IL20RA: variants seen among roughly 807,000 people sequenced by gnomAD.
IL20RA encodes the protein interleukin-20 receptor subunit alpha.
Under a neutral mutation model 36.5 loss-of-function variants are expected in IL20RA, and 29 were observed. The ratio of observed to expected loss-of-function variants is 0.79; its 90% confidence interval spans 0.59 to 1.08. The LOEUF (loss-of-function observed/expected upper bound fraction) is 1.08, where lower values mean the gene tolerates loss of function less well. Ranked by LOEUF, IL20RA falls within the 50% of genes least tolerant of loss-of-function variation. The probability of loss-of-function intolerance (pLI) is 0.00; values close to 1 mark genes in which losing one functional copy is unlikely to be tolerated. For missense variants in IL20RA, 652 were observed against 668.4 expected (o/e 0.98, Z 0.27); for synonymous variants, 279 against 267.1 (o/e 1.04, Z -0.43).
In IL20RA at chr6:137,006,065, G is replaced by A. The variant is rs75332053; in HGVS notation, c.725-1305C>T. 3.1e-3 allele frequency among the ~76,000 whole-genome samples: 467 copies of A among 152,302 alleles called. 1 individual carries two copies. The highest frequency in any genetic ancestry group is 0.011 in the African/African-American group (441 of 41,562). ...GCTTCAGCACAAATGACAAAAGTCCGAGTGTGCTCCTTACACACTAACAAA... is the reference window on the plus strand; with the variant it reads ...GCTTCAGCACAAATGACAAAAGTCCAAGTGTGCTCCTTACACACTAACAAA... On this transcript the variant is annotated intron_variant, in intron 5 of 6. Transcript: ENST00000316649.
intron 1 of IL20RA, among the ~76,000 whole-genome samples, chr6:137,040,410 T>C (rs376698414): frequency 4.1e-4 from 61 of 150,278 alleles, no homozygotes; most frequent in African/African-American, 1.4e-3. Flanking sequence ...ACACCCAGAT[T>C]TTGGTTTCTA....
intron 5 of IL20RA, 45 bp downstream of exon 5, chr6:137,008,554 T>C: frequency 6.5e-7 from 1 of 1,531,588 alleles, no homozygotes; most frequent in East Asian, 2.4e-5. Flanking sequence ...CTTCTAGTTT[T>C]AGCAGATCTC....
In IL20RA at chr6:137,044,937, C is replaced by G. The variant is rs1048698091; in HGVS notation, c.-209G>C. 3.5e-5 allele frequency: 13 copies of G among 368,006 alleles called. No individual in the cohort carries two copies. Among genetic ancestry groups the G allele is most frequent in the Non-Finnish European group, 5.5e-5 (12 of 216,298 alleles). 22.8% of individuals were successfully genotyped at this position (368,006 alleles called of 1,614,324 possible). A position where few individuals can be genotyped will look rare whatever the true frequency, so the allele number is the denominator to read the frequency against. On this transcript the variant is annotated 5_prime_UTR_variant, in exon 1 of 7. Transcript: ENST00000316649. Reference sequence around the variant, plus strand: ...GGGCGAGCGACTCGCGGAGCCCCCACGCGCGCTCCCCCGGCTACCCAGCTG... The same window carrying G: ...GGGCGAGCGACTCGCGGAGCCCCCAGGCGCGCTCCCCCGGCTACCCAGCTG...
chr6:137,027,462 T>G lies in IL20RA; in HGVS notation c.89-10359A>C, dbSNP rs559801184. Among the ~76,000 whole-genome samples, 7 of 152,330 alleles carry G rather than the reference T, an allele frequency of 4.6e-5. No homozygotes were observed. In the South Asian group the frequency reaches 1.4e-3, roughly 32 times the overall value. On this transcript the variant is annotated intron_variant, in intron 1 of 6. Transcript: ENST00000316649. ...CAATGGTTGCTAGTAATTGTTTATG[T>G]GAGTAGCTCAGGGAGAGATTCCAGA...
At chr6:137,006,657 G>A (rs1775294094) in intron 5 of IL20RA, among the ~76,000 whole-genome samples, 1 of 152,062 alleles carries the variant, frequency 6.6e-6, no homozygotes. Context: ...ATCTCTGGTG[G>A]TCTAACAGCT....
At chr6:137,030,381 C>T (rs1223604558) in intron 1 of IL20RA, among the ~76,000 whole-genome samples, 2 of 152,006 alleles carry the variant, frequency 1.3e-5, no homozygotes, top group East Asian at 1.9e-4. Context: ...CCACCATGCT[C>T]GGCCACCAGT....
In IL20RA at chr6:137,011,307, C is replaced by T. The variant is rs748023995; in HGVS notation, c.370G>A (p.Ala124Thr). Residue 124 changes from alanine to threonine, a missense_variant, in exon 3 of 7, where the codon GCT becomes ACT. By Grantham distance (58) the Ala-to-Thr change is moderately conservative. Coordinates refer to ENST00000316649, the MANE Select transcript of IL20RA (RefSeq NM_014432.4). Reference sequence around the variant, plus strand: ...AAAGGATAGAACCGTCCACTTTCAGCCCATTTGGAACACTTTGTTCCCCAA... The same window carrying T: ...AAAGGATAGAACCGTCCACTTTCAGTCCATTTGGAACACTTTGTTCCCCAA... ...AIWGTKCSKWAESGRFYPFLE... is the reference protein window; with the variant it reads ...AIWGTKCSKWTESGRFYPFLE... The T allele has an allele frequency of 3.1e-6, 5 of 1,612,260 alleles. No individual in the cohort carries two copies. The highest frequency in any genetic ancestry group is 4.2e-6 in the Non-Finnish European group (5 of 1,179,338).
At position 137,004,870 on chromosome 6, in the gene IL20RA, T is replaced by TA. The variant is rs1582816640; in HGVS notation, c.725-111dup. 108 of 1,010,746 alleles carry TA rather than the reference T, an allele frequency of 1.1e-4. No individual in the cohort carries two copies. In the East Asian group the frequency reaches 2.6e-3, roughly 25 times the overall value. The allele number at this position is 1,010,746 out of a possible 1,614,324, so 62.6% of individuals were successfully genotyped here. On this transcript the variant is annotated intron_variant, in intron 5 of 6. Coordinates refer to ENST00000316649, the MANE Select transcript of IL20RA (RefSeq NM_014432.4). ...TTAAGCTGCTTCTGTGCAGATCACT[T>TA]ACATTTGGGAACTCAGTTTTCTCAC... is the stretch of plus-strand genomic sequence containing the variant.
At chr6:137,043,781 T>C (rs957606611) in intron 1 of IL20RA, among the ~76,000 whole-genome samples, 1 of 152,218 alleles carries the variant, frequency 6.6e-6, no homozygotes, top group Non-Finnish European at 1.5e-5. Flanking sequence ...AGCTTTGTTG[T>C]TGTTTTTTAA....
intron 3 of IL20RA, 80 bp from the exon 4 acceptor site, chr6:137,009,572 G>T: frequency 1.3e-6 from 1 of 760,444 alleles, no homozygotes; most frequent in Non-Finnish European, 2.2e-6. Context: ...ATCCTACTTG[G>T]ATCAAGGCCC....
intron 1 of IL20RA, among the ~76,000 whole-genome samples, chr6:137,033,203 A>G (rs961212598): frequency 6.6e-6 from 1 of 152,184 alleles, no homozygotes; most frequent in Non-Finnish European, 1.5e-5. Flanking sequence ...TGGTGGCCCC[A>G]GGTGTTCCTT....
chr6:137,014,619 T>C (rs1775613343), intron 2 of IL20RA, among the ~76,000 whole-genome samples: 1 of 152,136 alleles, frequency 6.6e-6, no homozygotes, highest in Non-Finnish European at 1.5e-5. Context: ...TATTGAGAGG[T>C]TAATTATTAA....
In IL20RA at chr6:137,000,271, TC is replaced by T. The variant is rs1350980372; in HGVS notation, c.*1286del. 5 of 152,184 alleles carry T rather than the reference TC, an allele frequency of 3.3e-5. No individual in the cohort carries two copies. Among genetic ancestry groups the T allele is most frequent in the African/African-American group, 4.8e-5 (2 of 41,442 alleles). The allele number at this position is 152,184 out of a possible 1,614,324, so 9.4% of individuals were successfully genotyped here. On this transcript the variant is annotated 3_prime_UTR_variant, in exon 7 of 7. Transcript: ENST00000316649. ...TCAATAAGGAAATATGGGTGATATCTCTTCTCATGAAAGAGCATCAATGGAT... is the reference window on the plus strand; with the variant it reads ...TCAATAAGGAAATATGGGTGATATCTTTCTCATGAAAGAGCATCAATGGAT...
intron 1 of IL20RA, among the ~76,000 whole-genome samples, chr6:137,021,491 C>A (rs948009547): frequency 1.4e-5 from 2 of 140,848 alleles, no homozygotes; most frequent in Non-Finnish European, 3.1e-5. Flanking sequence ...ATGGTGAAAC[C>A]CTGTTTCTAG....
chr6:137,023,138 A>C (rs1226118395), intron 1 of IL20RA, among the ~76,000 whole-genome samples: 6 of 152,224 alleles, frequency 3.9e-5, no homozygotes, highest in Non-Finnish European at 7.3e-5. Context: ...ATCATTAAAA[A>C]GTAAAAAACA....
At chr6:137,027,469 C>A (rs1329558502) in intron 1 of IL20RA, among the ~76,000 whole-genome samples, 1 of 152,172 alleles carries the variant, frequency 6.6e-6, no homozygotes, top group Non-Finnish European at 1.5e-5. Context: ...ATGTGAGTAG[C>A]TCAGGGAGAG....
At chr6:137,021,517 A>G (rs909067581) in intron 1 of IL20RA, among the ~76,000 whole-genome samples, 1 of 45,916 alleles carries the variant, frequency 2.2e-5, no homozygotes, top group Non-Finnish European at 1.5e-4. Flanking sequence ...AAAAAAAAAC[A>G]CAAGAAACAA....
rs924590581 is a variant in IL20RA, at chr6:137,044,646, C to G, written c.83G>C (p.Arg28Pro). ...TGGCGGCGCGACCCACCTACCTGCC[C>G]GTCCCCAAGGCGCCGCCAGGAGCAA... ...LLLLLAAPWG[R>P]AVPCVSGGLP... The change falls in exon 1 of 7, where the codon CGG becomes CCG. Residue 28 changes from arginine (R) to proline (P), a missense_variant. Transcript: ENST00000316649. The G allele has an allele frequency of 8.2e-7, 1 of 1,222,924 alleles. No individual in the cohort carries two copies. The allele number at this position is 1,222,924 out of a possible 1,614,324, so 75.8% of individuals were successfully genotyped here.
chr6:137,044,575 C>G (rs1776830206), intron 1 of IL20RA, 66 bp downstream of exon 1: 1 of 1,211,840 alleles, frequency 8.3e-7, no homozygotes, highest in African/African-American at 1.6e-5. Context: ...CGGCCTCGAG[C>G]TCTGCCTGGC....
Sources: allele counts gnomAD v4.1 joint callset (sites outside exome capture counted in the v4.1 genomes callset), GRCh38; gene constraint gnomAD v4.1.1; transcripts MANE v1.5; gene names NCBI Gene and HGNC (gene_info 2026-07-23, HGNC 2026-07-21).